MVB12B: variants seen among roughly 807,000 people sequenced by gnomAD.
MVB12B encodes ESCRT-I complex subunit MVB12B.
Under a neutral mutation model 41.6 loss-of-function variants are expected in MVB12B, and 16 were observed. The ratio of observed to expected loss-of-function variants is 0.38; its 90% confidence interval spans 0.26 to 0.58. The LOEUF is 0.58. Among genes scored for constraint, MVB12B ranks in the 20% least tolerant of loss-of-function variants. The pLI is 0.62. For missense variants in MVB12B, 274 were observed against 380.2 expected (o/e 0.72, Z 2.32); for synonymous variants, 133 against 139.7 (o/e 0.95, Z 0.34).
intron 9 of MVB12B, among the ~76,000 whole-genome samples, chr9:126,494,871 C>G (rs1032553897): frequency 2.6e-5 from 4 of 151,480 alleles, no homozygotes; most frequent in Admixed American, 1.3e-4. Context: ...GCACCCCACC[C>G]CCCCCCAGGG....
At chr9:126,364,773 A>G (rs1182539497) in intron 2 of MVB12B, among the ~76,000 whole-genome samples, 5 of 152,142 alleles carry the variant, frequency 3.3e-5, no homozygotes, top group Non-Finnish European at 1.5e-5. Flanking sequence ...TTGTTTTGAG[A>G]TGGAGTCTTG....
intron 6 of MVB12B, among the ~76,000 whole-genome samples, chr9:126,420,795 G>A (rs922715912): frequency 1.6e-4 from 24 of 151,786 alleles, no homozygotes; most frequent in African/African-American, 4.6e-4. Flanking sequence ...TACCCACCTC[G>A]GCCTCCCAGA....
chr9:126,477,666 G>A (rs1034010915), intron 7 of MVB12B, among the ~76,000 whole-genome samples: 11 of 152,194 alleles, frequency 7.2e-5, no homozygotes, highest in South Asian at 2.1e-4. Context: ...GCAAAAACCC[G>A]CCCCCATGAT....
intron 2 of MVB12B, 147 bp from the exon 3 acceptor site, chr9:126,380,917 T>C (rs1830618120): frequency 1.7e-6 from 1 of 583,890 alleles, no homozygotes; most frequent in Non-Finnish European, 3.0e-6. Context: ...GAAAATCTCA[T>C]CCCAGTGCCT....
intron 7 of MVB12B, among the ~76,000 whole-genome samples, chr9:126,450,206 C>T (rs1201327657): frequency 6.6e-6 from 1 of 152,224 alleles, no homozygotes; most frequent in African/African-American, 2.4e-5. Flanking sequence ...AGCAGAGCCC[C>T]TGGCCCTCCC....
At chr9:126,500,861 C>T (rs1047605519) in intron 9 of MVB12B, among the ~76,000 whole-genome samples, 12 of 152,248 alleles carry the variant, frequency 7.9e-5, no homozygotes, top group African/African-American at 2.9e-4. Flanking sequence ...GCGAAGCCCT[C>T]CTTGCTCTCT....
At position 126,503,463 on chromosome 9, in the gene MVB12B, A is replaced by G. The variant is rs3814127; in HGVS notation, c.*200A>G. The G allele has an allele frequency of 0.29, 171,885 of 596,654 alleles. 25,101 individuals carry two copies. The highest frequency in any genetic ancestry group is 0.32 in the African/African-American group (17,070 of 53,826). The allele number at this position is 596,654 out of a possible 1,614,324, so 37.0% of individuals were successfully genotyped here. On this transcript the variant is annotated 3_prime_UTR_variant, in exon 10 of 10. Coordinates refer to ENST00000361171, the MANE Select transcript of MVB12B (RefSeq NM_033446.3). Reference sequence around the variant, plus strand: ...CTGACACCCCGGCCTCCCTGGGGACATTGTTCATAACCATGACTAATCTGT... The same window carrying G: ...CTGACACCCCGGCCTCCCTGGGGACGTTGTTCATAACCATGACTAATCTGT...
chr9:126,496,892 G>A (rs1470083415), intron 9 of MVB12B, among the ~76,000 whole-genome samples: 1 of 152,142 alleles, frequency 6.6e-6, no homozygotes, highest in Non-Finnish European at 1.5e-5. Context: ...TCCCCCAGGG[G>A]ACAGGCAGCC....
intron 9 of MVB12B, among the ~76,000 whole-genome samples, chr9:126,485,863 T>C (rs1302957482): frequency 2.0e-5 from 3 of 152,084 alleles, no homozygotes; most frequent in African/African-American, 7.2e-5. Flanking sequence ...GCACGGGGTG[T>C]GTGGCTTCTC....
chr9:126,481,530 C>A (rs1833522103), intron 8 of MVB12B, 106 bp downstream of exon 8: 7 of 817,606 alleles, frequency 8.6e-6, no homozygotes, highest in Non-Finnish European at 1.5e-5. Context: ...TACTCACGCC[C>A]CTTCCCCTAC....
intron 9 of MVB12B, among the ~76,000 whole-genome samples, chr9:126,490,643 T>C (rs951122029): frequency 3.3e-5 from 5 of 151,958 alleles, no homozygotes; most frequent in Admixed American, 3.3e-4. Flanking sequence ...TGAGGGAGGG[T>C]CTAATTAGTA....
At chr9:126,413,817 G>GT (rs1170823190) in intron 6 of MVB12B, among the ~76,000 whole-genome samples, 3 of 70,434 alleles carry the variant, frequency 4.3e-5, no homozygotes, top group South Asian at 6.5e-4. Context: ...AACCCCATTG[G>GT]TTGTGTGTGT....
intron 7 of MVB12B, among the ~76,000 whole-genome samples, chr9:126,443,247 C>T (rs903176058): frequency 6.6e-6 from 1 of 152,146 alleles, no homozygotes. Context: ...ACTCAGTTTG[C>T]CTAGCTGCAA....
intron 6 of MVB12B, among the ~76,000 whole-genome samples, chr9:126,414,822 T>G (rs1379854923): frequency 7.3e-6 from 1 of 137,368 alleles, no homozygotes; most frequent in Non-Finnish European, 1.7e-5. Context: ...ACCTCTCAGG[T>G]TTTTTTTTTT....
intron 6 of MVB12B, among the ~76,000 whole-genome samples, chr9:126,416,786 G>A (rs928339961): frequency 1.3e-5 from 2 of 152,144 alleles, no homozygotes; most frequent in African/African-American, 2.4e-5. Context: ...TGATGAGGCC[G>A]GGTGATATAT....
intron 9 of MVB12B, among the ~76,000 whole-genome samples, chr9:126,499,288 G>C (rs1282578684): frequency 6.6e-6 from 1 of 152,162 alleles, no homozygotes; most frequent in Non-Finnish European, 1.5e-5. Flanking sequence ...CAGAACCCCT[G>C]ACAGTTACAT....
At position 126,340,759 on chromosome 9, in the gene MVB12B, G is replaced by A. The variant is rs1829424120; in HGVS notation, c.204+129G>A. Reference sequence around the variant, plus strand: ...CCTCTAGGAACTTAATCCAGGGAGGGCGTGGAGAGCATCCTGGTTTGGGAG... The same window carrying A: ...CCTCTAGGAACTTAATCCAGGGAGGACGTGGAGAGCATCCTGGTTTGGGAG... On this transcript the variant is annotated intron_variant, in intron 2 of 9. Transcript: ENST00000361171. The surrounding 1 kb of genome is among the most constrained non-coding windows in gnomAD (Gnocchi z 4.0). 2.7e-6 allele frequency: 3 copies of A among 1,118,028 alleles called. No individual in the cohort carries two copies. Among genetic ancestry groups the A allele is most frequent in the Non-Finnish European group, 2.5e-6 (2 of 794,442 alleles). 69.3% of individuals were successfully genotyped at this position (1,118,028 alleles called of 1,614,324 possible).
intron 6 of MVB12B, among the ~76,000 whole-genome samples, chr9:126,407,194 T>C (rs1251855730): frequency 6.6e-6 from 1 of 152,190 alleles, no homozygotes; most frequent in Non-Finnish European, 1.5e-5. Flanking sequence ...TCTCACTTAT[T>C]GGTACAGCAC....
chr9:126,442,924 A>G (rs1403638784), intron 7 of MVB12B, among the ~76,000 whole-genome samples: 1 of 152,334 alleles, frequency 6.6e-6, no homozygotes, highest in African/African-American at 2.4e-5. Flanking sequence ...GGAGGAAGCT[A>G]TTTTGAGTTT....
Sources: allele counts gnomAD v4.1 joint callset (sites outside exome capture counted in the v4.1 genomes callset), GRCh38; gene constraint gnomAD v4.1.1; non-coding constraint Gnocchi (gnomAD v3.1); transcripts MANE v1.5; gene names NCBI Gene and HGNC (gene_info 2026-07-23, HGNC 2026-07-21).